ENTREP2: variants seen among roughly 807,000 people sequenced by gnomAD.
The protein encoded by ENTREP2 is endosomal transmembrane epsin interactor 2.
At chr15:29,648,511 A>T in the ENTREP2 span, among the ~76,000 whole-genome samples, 61 of 152,304 alleles carry the variant, frequency 4.0e-4, no homozygotes, top group Non-Finnish European at 8.1e-4. Flanking sequence ...GAGCCCCAGG[A>T]CTATAGTACA....
At chr15:29,595,125 A>C in the ENTREP2 span, among the ~76,000 whole-genome samples, 1 of 149,954 alleles carries the variant, frequency 6.7e-6, no homozygotes. Flanking sequence ...GTGATGGCAC[A>C]CACCTGTAAA....
At chr15:29,208,236 A>C in the ENTREP2 span, among the ~76,000 whole-genome samples, 1 of 149,076 alleles carries the variant, frequency 6.7e-6, no homozygotes, top group Non-Finnish European at 1.5e-5. Flanking sequence ...AGGCAGAGGA[A>C]GCTGGCACAC....
At chr15:29,506,541 C>T in the ENTREP2 span, among the ~76,000 whole-genome samples, 1 of 152,174 alleles carries the variant, frequency 6.6e-6, no homozygotes, top group Non-Finnish European at 1.5e-5. Flanking sequence ...GGAAGCCCAT[C>T]AGACTAACAG....
chr15:29,483,805 C>G, the ENTREP2 span, among the ~76,000 whole-genome samples: 2 of 152,222 alleles, frequency 1.3e-5, no homozygotes, highest in Non-Finnish European at 2.9e-5. Flanking sequence ...TTATTCAAAT[C>G]CTCAAAATCA....
the ENTREP2 span, among the ~76,000 whole-genome samples, chr15:29,362,663 C>A: frequency 6.6e-6 from 1 of 152,108 alleles, no homozygotes; most frequent in Non-Finnish European, 1.5e-5. Context: ...GCATGAGCCA[C>A]CGCGTCCGGC....
At chr15:29,291,338 TTGTACTCTGA>T in the ENTREP2 span, among the ~76,000 whole-genome samples, 2 of 152,160 alleles carry the variant, frequency 1.3e-5, no homozygotes, top group Non-Finnish European at 2.9e-5. Context: ...CTAGACATCC[TTGTACTCTGA>T]TGTCTCTCTG....
At chr15:29,483,465 T>A in the ENTREP2 span, among the ~76,000 whole-genome samples, 1 of 152,362 alleles carries the variant, frequency 6.6e-6, no homozygotes, top group Non-Finnish European at 1.5e-5. Context: ...TATAATTTTA[T>A]GTTTTACACT....
At chr15:29,673,894 G>A in the ENTREP2 span, among the ~76,000 whole-genome samples, 1 of 150,804 alleles carries the variant, frequency 6.6e-6, no homozygotes, top group African/African-American at 2.5e-5. Context: ...TGCAAAGGCA[G>A]ATCTACCATT....
the ENTREP2 span, among the ~76,000 whole-genome samples, chr15:29,651,838 G>A: frequency 6.6e-6 from 1 of 152,240 alleles, no homozygotes. Context: ...CTGGCCTGCA[G>A]GTGCCCCTTA....
the ENTREP2 span, among the ~76,000 whole-genome samples, chr15:29,517,232 A>C: frequency 6.6e-6 from 1 of 152,182 alleles, no homozygotes; most frequent in African/African-American, 2.4e-5. Flanking sequence ...CGGGAGGGAA[A>C]TGATAATATT....
the ENTREP2 span, chr15:29,269,606 C>G: frequency 5.8e-6 from 9 of 1,560,852 alleles, no homozygotes; most frequent in East Asian, 1.8e-4. Context: ...CGGGCGTCTT[C>G]CCCGGCCCGC....
the ENTREP2 span, among the ~76,000 whole-genome samples, chr15:29,469,045 C>T: frequency 0.51 from 77,220 of 151,480 alleles, 20,846 homozygotes; most frequent in African/African-American, 0.71. Flanking sequence ...GAAGAGCATC[C>T]GAGGTGGTTC....
chr15:29,378,369 T>C, the ENTREP2 span, among the ~76,000 whole-genome samples: 1 of 152,192 alleles, frequency 6.6e-6, no homozygotes, highest in African/African-American at 2.4e-5. Flanking sequence ...TCCAAAACTC[T>C]GCGGTGATGG....
At chr15:29,445,080 C>T in the ENTREP2 span, among the ~76,000 whole-genome samples, 1 of 152,116 alleles carries the variant, frequency 6.6e-6, no homozygotes. Flanking sequence ...TGTTTGGGTC[C>T]CCCCAAAATT....
the ENTREP2 span, among the ~76,000 whole-genome samples, chr15:29,224,279 C>T: frequency 6.6e-6 from 1 of 152,206 alleles, no homozygotes; most frequent in Non-Finnish European, 1.5e-5. Flanking sequence ...AGCTGCAGAC[C>T]TTCGCAGTGA....
At chr15:29,277,680 T>C in the ENTREP2 span, among the ~76,000 whole-genome samples, 1 of 152,158 alleles carries the variant, frequency 6.6e-6, no homozygotes, top group African/African-American at 2.4e-5. Context: ...CACGAACTGG[T>C]ACTGGTCCAC....
At chr15:29,513,088 T>C in the ENTREP2 span, among the ~76,000 whole-genome samples, 3 of 152,232 alleles carry the variant, frequency 2.0e-5, no homozygotes, top group Admixed American at 2.0e-4. Context: ...ACACTCTTTT[T>C]GTGTGACGTC....
At chr15:29,419,997 G>A in the ENTREP2 span, among the ~76,000 whole-genome samples, 25 of 152,272 alleles carry the variant, frequency 1.6e-4, no homozygotes, top group South Asian at 4.1e-3. Flanking sequence ...TATGGACTGC[G>A]ACCAAACTTT....
the ENTREP2 span, among the ~76,000 whole-genome samples, chr15:29,612,145 T>C: frequency 1.3e-5 from 2 of 152,224 alleles, no homozygotes; most frequent in Non-Finnish European, 2.9e-5. Flanking sequence ...TTGTTGACCA[T>C]TGTCCTTGCC....
Sources: gnomAD v4.1 joint callset for allele counts (sites outside exome capture counted in the v4.1 genomes callset) on GRCh38, gnomAD v4.1.1 for gene constraint, MANE v1.5 for transcripts, NCBI Gene and HGNC (gene_info 2026-07-23, HGNC 2026-07-21) for gene names.